GNAQ: variants seen among roughly 807,000 people sequenced by gnomAD.
The protein encoded by GNAQ is guanine nucleotide-binding protein G(q) subunit alpha.
Under a neutral mutation model 43.9 loss-of-function variants are expected in GNAQ, and 8 were observed. The ratio of observed to expected loss-of-function variants is 0.18; its 90% CI spans 0.11 to 0.33. The LOEUF is 0.33. GNAQ is among the 10% of genes least tolerant of loss of function. The pLI, the probability that GNAQ is intolerant of heterozygous loss-of-function variation, is 1.00. For missense variants in GNAQ, 158 were observed against 450.8 expected, an observed-to-expected ratio of 0.35 and a Z score of 5.88; for synonymous variants, 155 against 170.7, an observed-to-expected ratio of 0.91 and a Z score of 0.71.
intron 5 of GNAQ, among the ~76,000 whole-genome samples, chr9:77,738,557 A>G (rs1241388876): frequency 6.6e-6 from 1 of 152,122 alleles, no homozygotes; most frequent in African/African-American, 2.4e-5. Context: ...GTTTTCTTCC[A>G]GTCTTTGAGC....
intron 2 of GNAQ, among the ~76,000 whole-genome samples, chr9:77,913,683 A>C (rs1828845942): frequency 6.6e-6 from 1 of 152,196 alleles, no homozygotes; most frequent in Admixed American, 6.5e-5. Flanking sequence ...TCATACCAAG[A>C]TCAAATACTA....
intron 2 of GNAQ, among the ~76,000 whole-genome samples, chr9:77,920,042 G>A (rs1319916520): frequency 6.6e-6 from 1 of 152,070 alleles, no homozygotes; most frequent in African/African-American, 2.4e-5. Context: ...GGGATGCTGA[G>A]GCAGGAGAAT....
chr9:77,783,225 C>T (rs1165201400), intron 5 of GNAQ, among the ~76,000 whole-genome samples: 2 of 152,138 alleles, frequency 1.3e-5, no homozygotes, highest in Non-Finnish European at 2.9e-5. Context: ...AAGGCTATTC[C>T]TGCATGTGGG....
At chr9:77,761,094 C>A (rs1234993584) in intron 5 of GNAQ, among the ~76,000 whole-genome samples, 1 of 152,088 alleles carries the variant, frequency 6.6e-6, no homozygotes, top group East Asian at 1.9e-4. Flanking sequence ...TGCCCGGCAG[C>A]CGCCCTGTCC....
chr9:77,895,089 T>C (rs1055723429), intron 2 of GNAQ, among the ~76,000 whole-genome samples: 1 of 150,924 alleles, frequency 6.6e-6, no homozygotes, highest in Non-Finnish European at 1.5e-5. Context: ...TCCCAGCTGC[T>C]TGGGAGGATG....
intron 5 of GNAQ, among the ~76,000 whole-genome samples, chr9:77,741,936 T>A (rs1418961372): frequency 6.6e-6 from 1 of 152,160 alleles, no homozygotes; most frequent in African/African-American, 2.4e-5. Flanking sequence ...CTAAAAGGTA[T>A]GGTTATGAGA....
chr9:77,753,124 A>T (rs539822196), intron 5 of GNAQ, among the ~76,000 whole-genome samples: 2 of 152,008 alleles, frequency 1.3e-5, no homozygotes, highest in South Asian at 4.2e-4. Context: ...GAAAAAAAGA[A>T]GATTTAGTTG....
chr9:77,761,963 C>T (rs1302998145), intron 5 of GNAQ, among the ~76,000 whole-genome samples: 12 of 133,882 alleles, frequency 9.0e-5, no homozygotes, highest in Admixed American at 2.8e-4. Context: ...GTCAGCCCCC[C>T]GCCCGGCCAG....
At chr9:77,727,716 C>CA (rs1825419519) in intron 6 of GNAQ, among the ~76,000 whole-genome samples, 1 of 152,170 alleles carries the variant, frequency 6.6e-6, no homozygotes, top group African/African-American at 2.4e-5. Context: ...GTGCACAAAA[C>CA]AATCCTATGA....
At chr9:77,958,555 T>G (rs1823070582) in intron 1 of GNAQ, among the ~76,000 whole-genome samples, 1 of 152,242 alleles carries the variant, frequency 6.6e-6, no homozygotes, top group Non-Finnish European at 1.5e-5. Flanking sequence ...TTGTTATACA[T>G]AAAACTGACA....
chr9:77,970,161 G>A (rs1823218986), intron 1 of GNAQ, among the ~76,000 whole-genome samples: 1 of 151,826 alleles, frequency 6.6e-6, no homozygotes, highest in Admixed American at 6.6e-5. Flanking sequence ...GGAGGTTGCA[G>A]TGAGCCCAGA....
intron 1 of GNAQ, among the ~76,000 whole-genome samples, chr9:77,940,661 T>A (rs1564158138): frequency 6.6e-6 from 1 of 151,990 alleles, no homozygotes; most frequent in Non-Finnish European, 1.5e-5. Context: ...GAGTTAATAG[T>A]GATGTATTTT....
chr9:77,747,830 C>G (rs1825753104), intron 5 of GNAQ, among the ~76,000 whole-genome samples: 1 of 152,214 alleles, frequency 6.6e-6, no homozygotes, highest in Non-Finnish European at 1.5e-5. Context: ...TGAACATCTG[C>G]TCTGCGCTAG....
At chr9:77,952,266 C>T (rs922987368) in intron 1 of GNAQ, among the ~76,000 whole-genome samples, 3 of 152,176 alleles carry the variant, frequency 2.0e-5, no homozygotes, top group African/African-American at 7.2e-5. Context: ...TAAAGTTACA[C>T]TGGAGTGGAA....
At chr9:77,868,909 C>T (rs1827991840) in intron 2 of GNAQ, among the ~76,000 whole-genome samples, 1 of 152,206 alleles carries the variant, frequency 6.6e-6, no homozygotes, top group Admixed American at 6.5e-5. Context: ...ATTGCTTGAA[C>T]CTGGCAGACA....
intron 2 of GNAQ, among the ~76,000 whole-genome samples, chr9:77,856,627 T>C (rs992215933): frequency 3.3e-5 from 5 of 152,200 alleles, no homozygotes; most frequent in Non-Finnish European, 5.9e-5. Context: ...AACATGACTA[T>C]AGCAGAAGAG....
At chr9:77,790,320 T>C (rs994727292) in intron 5 of GNAQ, among the ~76,000 whole-genome samples, 4 of 152,234 alleles carry the variant, frequency 2.6e-5, no homozygotes, top group African/African-American at 4.8e-5. Flanking sequence ...CTGAATGTTA[T>C]CTGAAGAAAA....
chr9:77,910,516 C>A (rs1828782446), intron 2 of GNAQ, among the ~76,000 whole-genome samples: 1 of 152,182 alleles, frequency 6.6e-6, no homozygotes, highest in South Asian at 2.1e-4. Context: ...TGGTGGCTGT[C>A]AATTCCTGGT....
intron 5 of GNAQ, among the ~76,000 whole-genome samples, chr9:77,759,292 C>T (rs553165371): frequency 1.5e-4 from 23 of 152,228 alleles, no homozygotes; most frequent in African/African-American, 5.5e-4. Context: ...TTTTAGCAAA[C>T]TATTATTTTT....
Sources: gnomAD v4.1 joint callset for allele counts (sites outside exome capture counted in the v4.1 genomes callset) on GRCh38, gnomAD v4.1.1 for gene constraint, MANE v1.5 for transcripts, NCBI Gene and HGNC (gene_info 2026-07-23, HGNC 2026-07-21) for gene names.